PARP2: variants seen among roughly 807,000 people sequenced by gnomAD.
PARP2 encodes the protein poly [ADP-ribose] polymerase 2.
In PARP2, 57 loss-of-function variants were observed where a neutral mutation model predicts 77.8. That is an observed-to-expected ratio of 0.73 (90% CI 0.59 to 0.91). The LOEUF is 0.91. Ranked by LOEUF, PARP2 falls within the 40% of genes least tolerant of loss-of-function variation. PARP2 has a pLI of 0.00. For missense variants in PARP2, 651 were observed against 689.0 expected (o/e 0.94, Z 0.62); for synonymous variants, 226 against 242.6 (o/e 0.93, Z 0.64).
At chr14:20,347,388 ATATATATATATTTT>A (rs1883795226) in intron 4 of PARP2, among the ~76,000 whole-genome samples, 1 of 15,162 alleles carries the variant, frequency 6.6e-5, no homozygotes, top group African/African-American at 2.8e-4. Flanking sequence ...ATATATATAT[ATATATATATATTTT>A]TTTTTTTTTT....
intron 3 of PARP2, among the ~76,000 whole-genome samples, chr14:20,345,737 G>C (rs1222100646): frequency 6.6e-6 from 1 of 151,960 alleles, no homozygotes; most frequent in Non-Finnish European, 1.5e-5. Context: ...GAGGTTCCTA[G>C]AGGCTGTACA....
chr14:20,347,871 ATT>A (rs200147712), intron 4 of PARP2, among the ~76,000 whole-genome samples: 73 of 138,584 alleles, frequency 5.3e-4, no homozygotes, highest in African/African-American at 1.1e-3. Flanking sequence ...CCTTTTGCAC[ATT>A]TTTTTTTTTT....
At chr14:20,354,271 C>T in intron 8 of PARP2, 24 bp downstream of exon 8, 1 of 1,572,602 alleles carries the variant, frequency 6.4e-7, no homozygotes, top group Non-Finnish European at 8.7e-7. Flanking sequence ...TTTTCTTCTG[C>T]ATTCTCTCCT....
chr14:20,354,348 G>A, intron 8 of PARP2, 101 bp downstream of exon 8: 1 of 1,002,944 alleles, frequency 1.0e-6, no homozygotes, highest in Non-Finnish European at 1.5e-6. Context: ...TCATAGTACT[G>A]AATGAAGAAA....
chr14:20,354,117 T>TA lies in PARP2; in HGVS notation c.636dup (p.Ser213IlefsTer22). 6.2e-7 allele frequency: 1 copy of TA among 1,613,356 alleles called. No homozygotes were observed. Among genetic ancestry groups the TA allele is most frequent in the Admixed American group, 1.7e-5 (1 of 60,004 alleles). Reference sequence around the variant, plus strand: ...AGGAAACAAAGAAAGAGGAATCTCTTAAATCTCCCTTGAAGCCAGAGTCAC... The same window carrying TA: ...AGGAAACAAAGAAAGAGGAATCTCTTAAAATCTCCCTTGAAGCCAGAGTCAC... On this transcript the variant is annotated frameshift_variant, in exon 8 of 16. Transcript: ENST00000429687. LOFTEE classifies it high-confidence loss of function.
Position 20,356,663 on chromosome 14 carries a change from C to CGA in PARP2, c.1303_1304insGA (p.Pro435ArgfsTer33). ...GAGCCATGGGCTTCGAATTGCCCCACCTGAAGCTCCCATCACAGGTTACAT... is the reference window on the plus strand; with the variant it reads ...GAGCCATGGGCTTCGAATTGCCCCACGACTGAAGCTCCCATCACAGGTTACAT... On this transcript the variant is annotated frameshift_variant, in exon 13 of 16. Coordinates refer to ENST00000429687, the MANE Select transcript of PARP2 (RefSeq NM_001042618.2). LOFTEE classifies it high-confidence loss of function. The CGA allele has an allele frequency of 6.2e-7, 1 of 1,613,552 alleles. No homozygotes were observed. The highest frequency in any genetic ancestry group is 1.1e-5 in the South Asian group (1 of 91,074).
chr14:20,351,228 G>C, intron 6 of PARP2, 106 bp downstream of exon 6: 1 of 698,008 alleles, frequency 1.4e-6, no homozygotes, highest in Non-Finnish European at 2.4e-6. Flanking sequence ...GCCCAGGCTG[G>C]AGTGCAATGG....
At chr14:20,348,769 C>T (rs905899746) in intron 4 of PARP2, among the ~76,000 whole-genome samples, 20 of 152,128 alleles carry the variant, frequency 1.3e-4, no homozygotes, top group Admixed American at 5.2e-4. Context: ...CCTGTAATCC[C>T]AGCACTTTGG....
At chr14:20,347,232 G>A (rs760062311) in intron 4 of PARP2, among the ~76,000 whole-genome samples, 34 of 146,918 alleles carry the variant, frequency 2.3e-4, no homozygotes, top group Non-Finnish European at 3.6e-4. Flanking sequence ...GTTTCGCCAC[G>A]TTAGCCAGGG....
At chr14:20,355,619 T>C in intron 9 of PARP2, 133 bp from the exon 10 acceptor site, 1 of 629,924 alleles carries the variant, frequency 1.6e-6, no homozygotes, top group South Asian at 2.0e-5. Flanking sequence ...TACAGATCTC[T>C]TTCTCTCTCA....
At chr14:20,343,713 G>T (rs1400093733) in intron 1 of PARP2, 26 bp downstream of exon 1, 3 of 1,606,430 alleles carry the variant, frequency 1.9e-6, no homozygotes, top group East Asian at 2.2e-5. Context: ...TCGCGGGACG[G>T]CATGCGGGGG....
chr14:20,350,267 A>G (rs998973092), intron 4 of PARP2, among the ~76,000 whole-genome samples: 3 of 152,206 alleles, frequency 2.0e-5, no homozygotes, highest in South Asian at 4.1e-4. Flanking sequence ...GAGCCATTCA[A>G]TGTAGGATAT....
chr14:20,354,940 G>T lies in PARP2; in HGVS notation c.895G>T (p.Asp299Tyr). The change falls in exon 9 of 16, where the codon GAC becomes TAC. Residue 299 changes from aspartate (D) to tyrosine (Y), a missense_variant. Coordinates refer to ENST00000429687, the MANE Select transcript of PARP2 (RefSeq NM_001042618.2). ...TGAATTCTACACCAGGATTCCGCAT[G>T]ACTTTGGGTAAGGCCTGTGCTGTTA... The part of the protein sequence containing the change: ...CNEFYTRIPH[D>Y]FGLRTPPLIR... 2 of 1,613,520 alleles carry T rather than the reference G, an allele frequency of 1.2e-6. No individual in the cohort carries two copies. Among genetic ancestry groups the T allele is most frequent in the Non-Finnish European group, 1.7e-6 (2 of 1,179,682 alleles).
chr14:20,348,467 G>C (rs558064820), intron 4 of PARP2, among the ~76,000 whole-genome samples: 5 of 150,546 alleles, frequency 3.3e-5, no homozygotes, highest in Non-Finnish European at 5.9e-5. Context: ...TTGTGACCTC[G>C]TGTGATCCTC....
chr14:20,350,472 G>A (rs1368099744), intron 4 of PARP2, 54 bp from the exon 5 acceptor site: 5 of 901,636 alleles, frequency 5.5e-6, no homozygotes, highest in Non-Finnish European at 9.2e-6. Context: ...ATTGGTTTAT[G>A]TGATTTCCAT....
At chr14:20,349,270 T>C (rs1883876018) in intron 4 of PARP2, among the ~76,000 whole-genome samples, 1 of 151,110 alleles carries the variant, frequency 6.6e-6, no homozygotes, top group Non-Finnish European at 1.5e-5. Flanking sequence ...CAGTGAGCTG[T>C]GATTGAGCCA....
Position 20,346,897 on chromosome 14 carries a change from A to T in PARP2, c.308A>T (p.Asp103Val). Residue 103 changes from aspartate (D) to valine (V), a missense_variant, in exon 4 of 16, where the codon GAT becomes GTT. Asp to Val is a radical substitution (Grantham distance 152, BLOSUM62 -3). Transcript: ENST00000429687. ...HVYCEGNDVY[D>V]VMLNQTNLQF... ...TATTGTGAAGGAAATGATGTCTATG[A>T]TGTCATGCTAAATCAGGTAAGAGGC... 1.2e-6 allele frequency: 2 copies of T among 1,606,322 alleles called. No individual in the cohort carries two copies. Among genetic ancestry groups the T allele is most frequent in the East Asian group, 4.5e-5 (2 of 44,792 alleles).
chr14:20,350,571 T>C lies in PARP2; in HGVS notation c.370T>C (p.Leu124=). The change falls in exon 5 of 16, where the codon TTA becomes CTA. Residue 124 remains leucine, a synonymous_variant. Coordinates refer to ENST00000429687, the MANE Select transcript of PARP2 (RefSeq NM_001042618.2). ...NNNKYYLIQL[L]EDDAQRNFSV... is the part of the protein sequence containing the mutation. ...CAACAAGTACTATCTGATTCAGCTA[T>C]TAGAAGATGATGCCCAGAGGAACTT... The C allele has an allele frequency of 6.2e-7, 1 of 1,611,490 alleles. No homozygotes were observed. Among genetic ancestry groups the C allele is most frequent in the South Asian group, 1.1e-5 (1 of 91,018 alleles).
At position 20,357,646 on chromosome 14, in the gene PARP2, G is replaced by A; in HGVS notation, c.1562G>A (p.Ser521Asn). ...TTTTTTCCATTTGGCAGGAATGGGAGTACAGTGCCATTAGGACCAGCAAGT... is the reference window on the plus strand; with the variant it reads ...TTTTTTCCATTTGGCAGGAATGGGAATACAGTGCCATTAGGACCAGCAAGT... Reference protein sequence around the residue: ...SSAHFVTLNGSTVPLGPASDT... With the variant: ...SSAHFVTLNGNTVPLGPASDT... The change falls in exon 16 of 16, where the codon AGT becomes AAT. Residue 521 changes from serine (S) to asparagine (N), a missense_variant. By Grantham distance (46) the Ser-to-Asn change is conservative. Transcript: ENST00000429687. 1.9e-6 allele frequency: 3 copies of A among 1,612,646 alleles called. No individual in the cohort carries two copies. The highest frequency in any genetic ancestry group is 4.5e-5 in the East Asian group (2 of 44,880).
Sources: gnomAD v4.1 joint callset for allele counts (sites outside exome capture counted in the v4.1 genomes callset) on GRCh38, gnomAD v4.1.1 for gene constraint, MANE v1.5 for transcripts, NCBI Gene and HGNC (gene_info 2026-07-23, HGNC 2026-07-21) for gene names.